SAMD5: variants seen among roughly 807,000 people sequenced by gnomAD.
SAMD5 encodes sterile alpha motif domain containing 5.
A neutral mutation model predicts 11.3 loss-of-function variants in SAMD5; 13 were observed. That is an observed-to-expected ratio of 1.15 (90% CI 0.75 to 1.83). SAMD5 has a LOEUF of 1.83. Among genes scored for constraint, SAMD5 ranks in the 40% most tolerant of loss-of-function variants. SAMD5 has a pLI of 0.00. For synonymous variants in SAMD5, 129 were observed against 111.3 expected (o/e 1.16, Z -1.00); for missense variants, 255 against 239.1 (o/e 1.07, Z -0.44).
At chr6:147,629,924 G>C (rs1790121508) in intron 1 of SAMD5, among the ~76,000 whole-genome samples, 1 of 150,902 alleles carries the variant, frequency 6.6e-6, no homozygotes, top group Non-Finnish European at 1.5e-5. Flanking sequence ...TTTTCGAAGA[G>C]TCACGACCCA....
intron 1 of SAMD5, among the ~76,000 whole-genome samples, chr6:147,697,123 C>T (rs543670853): frequency 1.3e-4 from 20 of 152,196 alleles, no homozygotes; most frequent in Non-Finnish European, 2.1e-4. Flanking sequence ...GTATTGTTAC[C>T]GAAACACCAG....
the SAMD5 span, among the ~76,000 whole-genome samples, chr6:147,865,409 G>A: frequency 6.6e-6 from 1 of 151,868 alleles, no homozygotes; most frequent in Admixed American, 6.6e-5. Context: ...GGGAAAAAAA[G>A]GAAAGATGAA....
chr6:147,515,738 T>C (rs1788160913), intron 1 of SAMD5, among the ~76,000 whole-genome samples: 1 of 152,194 alleles, frequency 6.6e-6, no homozygotes, highest in Non-Finnish European at 1.5e-5. Context: ...CCTAACCTAA[T>C]GCCTGATGTA....
the SAMD5 span, among the ~76,000 whole-genome samples, chr6:147,807,525 C>G: frequency 2.6e-3 from 399 of 152,264 alleles, 4 homozygotes; most frequent in East Asian, 0.019. Context: ...AGCACTCTGT[C>G]TTAGAATTTA....
chr6:147,846,127 TA>T, the SAMD5 span, among the ~76,000 whole-genome samples: 2 of 152,166 alleles, frequency 1.3e-5, no homozygotes, highest in African/African-American at 2.4e-5. Flanking sequence ...AAAGCTATTT[TA>T]AAAGTATCAC....
chr6:147,640,338 GA>G (rs548509658), intron 1 of SAMD5, among the ~76,000 whole-genome samples: 297 of 139,628 alleles, frequency 2.1e-3, no homozygotes, highest in Admixed American at 3.3e-3. Context: ...AAAAAAAAAA[GA>G]AAAAAAAAAT....
At chr6:147,913,963 A>T in the SAMD5 span, among the ~76,000 whole-genome samples, 6 of 152,278 alleles carry the variant, frequency 3.9e-5, no homozygotes, top group African/African-American at 1.4e-4. Flanking sequence ...TTGGTCTTTC[A>T]TACGATTCCT....
At chr6:147,583,132 A>C (rs1321937256) in intron 1 of SAMD5, among the ~76,000 whole-genome samples, 1 of 152,266 alleles carries the variant, frequency 6.6e-6, no homozygotes. Flanking sequence ...TTTTACACAT[A>C]GACATTTCAT....
chr6:147,640,497 C>CAAAAAAAAAAAAAAAAAAAAAA (rs1172694444), intron 1 of SAMD5, among the ~76,000 whole-genome samples: 1 of 24,188 alleles, frequency 4.1e-5, no homozygotes, highest in Non-Finnish European at 8.7e-5. Context: ...GACTCTGTCG[C>CAAAAAAAAAAAAAAAAAAAAAA]AAAAAAAAAA....
At chr6:147,512,980 G>A (rs1011035531) in intron 1 of SAMD5, among the ~76,000 whole-genome samples, 2 of 152,284 alleles carry the variant, frequency 1.3e-5, no homozygotes, top group South Asian at 2.1e-4. Flanking sequence ...GAGTACTGAC[G>A]GTTGAGCATA....
chr6:147,687,236 C>T (rs1474591859), intron 1 of SAMD5, among the ~76,000 whole-genome samples: 2 of 149,642 alleles, frequency 1.3e-5, no homozygotes, highest in African/African-American at 4.9e-5. Flanking sequence ...TTTATCCTCC[C>T]TCCCTCTCTC....
intron 1 of SAMD5, among the ~76,000 whole-genome samples, chr6:147,524,929 C>A (rs1788313694): frequency 6.6e-6 from 1 of 152,026 alleles, no homozygotes; most frequent in Non-Finnish European, 1.5e-5. Context: ...GTTTTATACA[C>A]AGGGAAAATG....
the SAMD5 span, among the ~76,000 whole-genome samples, chr6:147,870,476 G>GTA: frequency 4.7e-3 from 657 of 139,896 alleles, 5 homozygotes; most frequent in Non-Finnish European, 5.0e-3. Flanking sequence ...GTGTGTGTGT[G>GTA]TGTGTGTATA....
intron 1 of SAMD5, among the ~76,000 whole-genome samples, chr6:147,717,288 T>A (rs1413016053): frequency 1.3e-5 from 2 of 152,208 alleles, no homozygotes; most frequent in Non-Finnish European, 2.9e-5. Context: ...GGACAACTGG[T>A]CTTTTCTACT....
At chr6:147,700,738 T>A (rs1791242863) in intron 1 of SAMD5, among the ~76,000 whole-genome samples, 1 of 152,282 alleles carries the variant, frequency 6.6e-6, no homozygotes, top group African/African-American at 2.4e-5. Context: ...CGTATTATTT[T>A]ACAGAGTAAA....
At chr6:147,873,617 A>T in the SAMD5 span, among the ~76,000 whole-genome samples, 1 of 152,156 alleles carries the variant, frequency 6.6e-6, no homozygotes, top group Admixed American at 6.6e-5. Context: ...TGCTAATGGT[A>T]CTTACTAGTT....
rs1410935731 is a variant in SAMD5, at chr6:147,542,855, C to T, written c.460-21539C>T. On this transcript the variant is annotated intron_variant, in intron 1 of 1. Coordinates refer to ENST00000367474, the MANE Select transcript of SAMD5 (RefSeq NM_001030060.3). ...TGAAGGAGGTCTGCTTGGGAAAGGG[C>T]TGTTACTGTCTTTGTTTAAACTATA... Among the ~76,000 whole-genome samples the T allele has an allele frequency of 2.0e-5, 3 of 152,144 alleles. 1 individual carries two copies. The highest frequency in any genetic ancestry group is 4.4e-5 in the Non-Finnish European group (3 of 68,032).
chr6:147,542,225 C>T (rs1788617033), intron 1 of SAMD5, among the ~76,000 whole-genome samples: 1 of 152,222 alleles, frequency 6.6e-6, no homozygotes, highest in South Asian at 2.1e-4. Context: ...AGTCCCCAGT[C>T]CCCAGAACTA....
intron 1 of SAMD5, among the ~76,000 whole-genome samples, chr6:147,707,783 T>C (rs1791343803): frequency 6.6e-6 from 1 of 152,064 alleles, no homozygotes; most frequent in Admixed American, 6.5e-5. Context: ...TCAGTGTGCT[T>C]TTGTTTACCT....
Sources: allele counts gnomAD v4.1 joint callset (sites outside exome capture counted in the v4.1 genomes callset), GRCh38; gene constraint gnomAD v4.1.1; transcripts MANE v1.5; gene names NCBI Gene and HGNC (gene_info 2026-07-23, HGNC 2026-07-21).